The following GPR83 variants were observed in gnomAD, a reference collection of about 807,000 sequenced individuals.
GPR83 encodes G-protein coupled receptor 72.
A neutral mutation model predicts 28.0 loss-of-function variants in GPR83; 23 were observed. The observed-to-expected ratio is 0.82, with a 90% CI of 0.59 to 1.16. GPR83 has a LOEUF of 1.16. Among genes scored for constraint, GPR83 ranks in the 50% most tolerant of loss-of-function variants. GPR83 has a pLI of 0.00. For synonymous variants in GPR83, 234 were observed against 215.4 expected, an observed-to-expected ratio of 1.09 and a Z score of -0.76; for missense variants, 610 against 536.6, an observed-to-expected ratio of 1.14 and a Z score of -1.35.
intron 1 of GPR83, among the ~76,000 whole-genome samples, chr11:94,396,961 G>C (rs557011117): frequency 2.4e-4 from 36 of 151,880 alleles, no homozygotes; most frequent in Non-Finnish European, 5.0e-4. Context: ...AAAACACAAT[G>C]TCTGGCAGAT....
chr11:94,380,109 G>T lies in GPR83; in HGVS notation c.*40C>A, dbSNP rs1470042620. On this transcript the variant is annotated 3_prime_UTR_variant, in exon 4 of 4. Coordinates refer to ENST00000243673, the MANE Select transcript of GPR83 (RefSeq NM_016540.4). ...AATAGGCTCTCTTTCCCTGCCTCAG[G>T]TGGAGACAGACCCCTCCCACTCCCT... The T allele has an allele frequency of 6.8e-6, 10 of 1,467,478 alleles. No individual in the cohort carries two copies. The highest frequency in any genetic ancestry group is 2.4e-5 in the Admixed American group (1 of 42,540). 90.9% of individuals were successfully genotyped at this position (1,467,478 alleles called of 1,614,324 possible).
rs773367968 is a variant in GPR83, at chr11:94,401,213, G to C, written c.35C>G (p.Pro12Arg). 14 of 1,612,066 alleles carry C rather than the reference G, an allele frequency of 8.7e-6. No individual in the cohort carries two copies. Among genetic ancestry groups the C allele is most frequent in the Non-Finnish European group, 1.2e-5 (14 of 1,179,456 alleles). The change falls in exon 1 of 4, where the codon CCC (proline) becomes CGC (arginine). Residue 12 changes from proline (P) to arginine (R), a missense_variant. Physicochemically the swap from Pro to Arg is moderately radical, Grantham distance 103 (BLOSUM62 -2). Transcript: ENST00000243673. ...VPHLLLLCLL[P>R]LVRATEPHEG... ...GTGGGGCTCGGTGGCTCGCACCAAG[G>C]GGAGGAGACAGAGCAGCAAGAGGTG...
Position 94,401,018 on chromosome 11 carries a change from G to A in GPR83, c.230C>T (p.Ala77Val). The A allele has an allele frequency of 6.2e-7, 1 of 1,614,148 alleles. No homozygotes were observed. Among genetic ancestry groups the A allele is most frequent in the Non-Finnish European group, 8.5e-7 (1 of 1,179,964 alleles). The change falls in exon 1 of 4, where the codon GCT becomes GTT. Residue 77 changes from alanine (A) to valine (V), a missense_variant. Coordinates refer to ENST00000243673, the MANE Select transcript of GPR83 (RefSeq NM_016540.4). ...TGAGAAGACAATGATGAAGGAGTAA[G>A]CCACAATGAGCAGGGCTTTCACCGT... is the stretch of plus-strand genomic sequence containing the variant. ...NPTVKALLIV[A>V]YSFIIVFSLF...
At chr11:94,398,747 C>G (rs913253743) in intron 1 of GPR83, among the ~76,000 whole-genome samples, 20 of 152,188 alleles carry the variant, frequency 1.3e-4, no homozygotes, top group Admixed American at 7.2e-4. Flanking sequence ...GCCAATCAGG[C>G]AAAGGCAGGG....
intron 2 of GPR83, among the ~76,000 whole-genome samples, chr11:94,394,412 T>G (rs1944846423): frequency 6.6e-6 from 1 of 152,240 alleles, no homozygotes; most frequent in Non-Finnish European, 1.5e-5. Flanking sequence ...GAAATGCATC[T>G]TGGAGTTGCT....
intron 3 of GPR83, among the ~76,000 whole-genome samples, chr11:94,389,395 G>A (rs1944792384): frequency 6.6e-6 from 1 of 152,188 alleles, no homozygotes; most frequent in Non-Finnish European, 1.5e-5. Context: ...GCAACTTACA[G>A]AATGGGAGAA....
chr11:94,392,038 G>T (rs146196414), intron 3 of GPR83, among the ~76,000 whole-genome samples: 1 of 152,028 alleles, frequency 6.6e-6, no homozygotes, highest in African/African-American at 2.4e-5. Context: ...GTTTATTGCG[G>T]CACTATTCAC....
Position 94,379,316 on chromosome 11 carries a change from A to T in GPR83, c.*833T>A, listed in dbSNP as rs1418134735. On this transcript the variant is annotated 3_prime_UTR_variant, in exon 4 of 4. Coordinates refer to ENST00000243673, the MANE Select transcript of GPR83 (RefSeq NM_016540.4). ...AACCTGGGAGGCAGAGCTTGCAGTG[A>T]GCCGAGATTGTGCCACTGAACTCCA... 2 of 149,108 alleles carry T rather than the reference A, an allele frequency of 1.3e-5. No individual in the cohort carries two copies. The highest frequency in any genetic ancestry group is 3.0e-5 in the Non-Finnish European group (2 of 67,592). 9.2% of individuals were successfully genotyped at this position (149,108 alleles called of 1,614,324 possible). A position where few individuals can be genotyped will look rare whatever the true frequency, so the allele number is the denominator to read the frequency against.
intron 1 of GPR83, among the ~76,000 whole-genome samples, chr11:94,398,193 G>T (rs935960684): frequency 2.6e-5 from 4 of 152,120 alleles, no homozygotes; most frequent in African/African-American, 4.8e-5. Flanking sequence ...TTGGAATTCA[G>T]CCTTCACACT....
chr11:94,381,680 C>T (rs894385097), intron 3 of GPR83, among the ~76,000 whole-genome samples: 1 of 152,012 alleles, frequency 6.6e-6, no homozygotes, highest in African/African-American at 2.4e-5. Flanking sequence ...ACAGCTGGCA[C>T]CTGTGATCTT....
intron 3 of GPR83, among the ~76,000 whole-genome samples, chr11:94,387,324 C>G (rs375842128): frequency 1.3e-5 from 2 of 152,062 alleles, no homozygotes; most frequent in African/African-American, 4.8e-5. Context: ...AAATAACTAA[C>G]ATCAGAGCAG....
chr11:94,400,917 C>G lies in GPR83; in HGVS notation c.331G>C (p.Val111Leu), dbSNP rs983670999. 9 of 1,613,990 alleles carry G rather than the reference C, an allele frequency of 5.6e-6. No individual in the cohort carries two copies. The African/African-American group carries it at 8.0e-5, about 14-fold the overall frequency. Residue 111 changes from valine (V) to leucine (L), a missense_variant, in exon 1 of 4, where the codon GTC becomes CTC. Coordinates refer to ENST00000243673, the MANE Select transcript of GPR83 (RefSeq NM_016540.4). ...ATTATGTCGGCAACTGCCAGGTTGA[C>G]GATGAAGAGGCTGGTGGCCGAGTGC... ...RMHSATSLFI[V>L]NLAVADIMIT...
intron 3 of GPR83, among the ~76,000 whole-genome samples, chr11:94,391,464 A>T (rs969760700): frequency 2.6e-5 from 4 of 152,242 alleles, no homozygotes; most frequent in Non-Finnish European, 2.9e-5. Context: ...GCCTAAATAG[A>T]CAAATGGGAT....
rs761361883 is a variant in GPR83 at position 94,380,539 on chromosome 11, C to A, written c.882G>T (p.Leu294Phe). The A allele has an allele frequency of 6.2e-7, 1 of 1,614,174 alleles. No homozygotes were observed. The highest frequency in any genetic ancestry group is 1.7e-5 in the Admixed American group (1 of 60,024). ...GGGCAAAGAGGACTACCACCAGCATCAACATCTTGATGGTCTTCTTCTTTT... is the reference window on the plus strand; with the variant it reads ...GGGCAAAGAGGACTACCACCAGCATAAACATCTTGATGGTCTTCTTCTTTT... ...RRKKKKTIKM[L>F]MLVVVLFALC... Residue 294 changes from leucine (L) to phenylalanine (F), a missense_variant, in exon 4 of 4, where the codon TTG becomes TTT. Coordinates refer to ENST00000243673, the MANE Select transcript of GPR83 (RefSeq NM_016540.4).
chr11:94,396,845 T>C (rs1944871464), intron 1 of GPR83, among the ~76,000 whole-genome samples: 1 of 147,418 alleles, frequency 6.8e-6, no homozygotes. Flanking sequence ...ATAGGTAACC[T>C]CTCTGAATCT....
intron 3 of GPR83, among the ~76,000 whole-genome samples, chr11:94,384,540 G>A (rs959908409): frequency 6.6e-6 from 1 of 152,218 alleles, no homozygotes; most frequent in Admixed American, 6.5e-5. Flanking sequence ...AGCAGGGCAA[G>A]GCATCGCCTC....
At chr11:94,387,197 T>C (rs907800159) in intron 3 of GPR83, among the ~76,000 whole-genome samples, 2 of 152,204 alleles carry the variant, frequency 1.3e-5, no homozygotes, top group African/African-American at 4.8e-5. Flanking sequence ...GGGAAATTTA[T>C]AGCACTAAAT....
intron 2 of GPR83, among the ~76,000 whole-genome samples, chr11:94,394,610 T>C (rs1944848700): frequency 1.3e-5 from 2 of 152,166 alleles, no homozygotes; most frequent in African/African-American, 2.4e-5. Context: ...ACACTGGACA[T>C]TCTGGCTGTG....
intron 3 of GPR83, among the ~76,000 whole-genome samples, chr11:94,388,519 T>C (rs1210287213): frequency 1.3e-5 from 2 of 152,174 alleles, no homozygotes; most frequent in African/African-American, 2.4e-5. Flanking sequence ...AGCATTCTTA[T>C]ACACCAATAA....
Sources: allele counts gnomAD v4.1 joint callset (sites outside exome capture counted in the v4.1 genomes callset), GRCh38; gene constraint gnomAD v4.1.1; transcripts MANE v1.5; gene names NCBI Gene and HGNC (gene_info 2026-07-23, HGNC 2026-07-21).